Variants in ENOX1 observed in about 807,000 individuals in gnomAD.
ENOX1 encodes candidate growth-related and time keeping constitutive hydroquinone (NADH) oxidase.
Under a neutral mutation model 82.5 loss-of-function variants are expected in ENOX1, and 42 were observed. The ratio of observed to expected loss-of-function variants is 0.51; its 90% CI spans 0.40 to 0.66. The LOEUF is 0.66. Ranked by LOEUF, ENOX1 falls within the 30% of genes least tolerant of loss-of-function variation. The pLI is 0.00. For synonymous variants in ENOX1, 271 were observed against 282.2 expected (o/e 0.96, Z 0.40); for missense variants, 608 against 811.6 (o/e 0.75, Z 3.05).
At chr13:43,232,015 T>C (rs2042306668) in intron 15 of ENOX1, among the ~76,000 whole-genome samples, 1 of 151,980 alleles carries the variant, frequency 6.6e-6, no homozygotes, top group Non-Finnish European at 1.5e-5. Flanking sequence ...AGCCTGATGC[T>C]CGTGGGCTCA....
intron 5 of ENOX1, among the ~76,000 whole-genome samples, chr13:43,403,761 GC>G (rs2053628560): frequency 6.6e-6 from 1 of 152,136 alleles, no homozygotes; most frequent in Middle Eastern, 3.4e-3. Context: ...AATCACCTGA[GC>G]CCGGGAAGTT....
chr13:43,430,759 A>C (rs2055607421), intron 3 of ENOX1, among the ~76,000 whole-genome samples: 1 of 152,268 alleles, frequency 6.6e-6, no homozygotes, highest in Non-Finnish European at 1.5e-5. Context: ...GAAAATAAAA[A>C]CAAATTGTTG....
At chr13:43,779,860 T>C (rs1227604717) in intron 1 of ENOX1, among the ~76,000 whole-genome samples, 1 of 152,050 alleles carries the variant, frequency 6.6e-6, no homozygotes, top group African/African-American at 2.4e-5. Context: ...AACTGTGCCT[T>C]AGGAATCTGC....
At chr13:43,699,582 A>G (rs1594460977) in intron 1 of ENOX1, among the ~76,000 whole-genome samples, 2 of 152,208 alleles carry the variant, frequency 1.3e-5, no homozygotes, top group Admixed American at 1.3e-4. Context: ...TTTGGCACAT[A>G]GGGAGATTAG....
At chr13:43,784,220 T>C (rs2153856268) in intron 1 of ENOX1, among the ~76,000 whole-genome samples, 1 of 152,394 alleles carries the variant, frequency 6.6e-6, no homozygotes, top group African/African-American at 2.4e-5. Flanking sequence ...ACAAATATTT[T>C]GCATGTATGC....
At chr13:43,301,549 T>TA (rs893865125) in intron 11 of ENOX1, among the ~76,000 whole-genome samples, 21 of 104,908 alleles carry the variant, frequency 2.0e-4, no homozygotes, top group Middle Eastern at 6.5e-3. Flanking sequence ...ATCATCATAT[T>TA]AAAAAAACCC....
intron 13 of ENOX1, among the ~76,000 whole-genome samples, chr13:43,268,033 A>G (rs1593618333): frequency 6.6e-6 from 1 of 152,300 alleles, no homozygotes; most frequent in East Asian, 1.9e-4. Context: ...GCATGCCACA[A>G]CAAGATATAT....
At chr13:43,381,256 TAG>T (rs2052021861) in intron 5 of ENOX1, among the ~76,000 whole-genome samples, 3 of 151,690 alleles carry the variant, frequency 2.0e-5, no homozygotes. Context: ...GAAAAATATC[TAG>T]AGAGTCACCA....
chr13:43,247,850 TATATATATATATATATATATATA>T (rs1566328752), intron 14 of ENOX1, among the ~76,000 whole-genome samples: 209 of 2,188 alleles, frequency 0.096, 12 homozygotes, highest in Middle Eastern at 0.25. Flanking sequence ...TATATATATA[TATATATATATATATATATATATA>T]TATATATATA....
At chr13:43,780,092 C>G in intron 1 of ENOX1, among the ~76,000 whole-genome samples, 1 of 150,524 alleles carries the variant, frequency 6.6e-6, no homozygotes, top group African/African-American at 2.5e-5. Flanking sequence ...ACCCGGGAGG[C>G]AGAGCTTGCA....
At chr13:43,275,729 C>T (rs1450375361) in intron 12 of ENOX1, among the ~76,000 whole-genome samples, 1 of 152,188 alleles carries the variant, frequency 6.6e-6, no homozygotes, top group Non-Finnish European at 1.5e-5. Context: ...CTGCTGTGTG[C>T]ATGGTACTGG....
At position 43,439,528 on chromosome 13, in the gene ENOX1, AAATGT is replaced by A. The variant is rs1435873542; in HGVS notation, c.-74-26545_-74-26541del. ...CTATCTTCTAATCTTAAGGGTCCAC[AAATGT>A]GATGTTATAGTGTTCCTGGCTTCAA... On this transcript the variant is annotated intron_variant, in intron 3 of 16. Coordinates refer to ENST00000690772, the MANE Select transcript of ENOX1 (RefSeq NM_001347969.2). 7.2e-5 allele frequency among the ~76,000 whole-genome samples: 11 copies of A among 152,214 alleles called. No individual in the cohort carries two copies. The East Asian group carries it at 1.9e-3, about 27-fold the overall frequency.
chr13:43,668,001 G>T (rs2085070060), intron 1 of ENOX1, among the ~76,000 whole-genome samples: 1 of 152,128 alleles, frequency 6.6e-6, no homozygotes, highest in Admixed American at 6.6e-5. Context: ...AGAAATTCTT[G>T]CAAGTTTCCA....
At chr13:43,520,664 C>T in intron 2 of ENOX1, among the ~76,000 whole-genome samples, 1 of 152,068 alleles carries the variant, frequency 6.6e-6, no homozygotes, top group East Asian at 1.9e-4. Context: ...CGGGGGGCGG[C>T]CACTGGTCAG....
intron 14 of ENOX1, among the ~76,000 whole-genome samples, chr13:43,246,784 G>C (rs2043104802): frequency 6.6e-6 from 1 of 152,098 alleles, no homozygotes; most frequent in East Asian, 1.9e-4. Context: ...GGAGGCCCCA[G>C]GTGCTTCTCC....
intron 1 of ENOX1, among the ~76,000 whole-genome samples, chr13:43,767,590 A>G (rs912464744): frequency 6.6e-6 from 1 of 152,250 alleles, no homozygotes; most frequent in Admixed American, 6.5e-5. Flanking sequence ...AATGAAGTCA[A>G]TTCCCAATAA....
intron 5 of ENOX1, among the ~76,000 whole-genome samples, chr13:43,399,977 G>A (rs529910627): frequency 1.4e-3 from 218 of 151,794 alleles, no homozygotes; most frequent in Non-Finnish European, 2.3e-3. Context: ...TGGCTCCACT[G>A]CCACTCTTGT....
chr13:43,244,048 T>G (rs2042965816), intron 14 of ENOX1, among the ~76,000 whole-genome samples: 1 of 151,686 alleles, frequency 6.6e-6, no homozygotes, highest in African/African-American at 2.4e-5. Context: ...ACAAAACCAC[T>G]GCCTTCTTTA....
At chr13:43,476,264 A>T (rs2058280723) in intron 3 of ENOX1, among the ~76,000 whole-genome samples, 1 of 152,154 alleles carries the variant, frequency 6.6e-6, no homozygotes, top group Non-Finnish European at 1.5e-5. Context: ...CCAAAAATAC[A>T]AATATGTATT....
Sources: gnomAD v4.1 joint callset for allele counts (sites outside exome capture counted in the v4.1 genomes callset) on GRCh38, gnomAD v4.1.1 for gene constraint, MANE v1.5 for transcripts, NCBI Gene and HGNC (gene_info 2026-07-23, HGNC 2026-07-21) for gene names.